RBFOX1: variants seen among roughly 807,000 people sequenced by gnomAD.
RBFOX1 encodes RNA binding fox-1 homolog 1.
In RBFOX1, 8 loss-of-function variants were observed where a neutral mutation model predicts 57.7. That is an observed-to-expected ratio of 0.14 (90% CI 0.08 to 0.25). RBFOX1 has a LOEUF of 0.25. Ranked by LOEUF, RBFOX1 falls within the 10% of genes least tolerant of loss-of-function variation. The pLI, the probability that RBFOX1 is intolerant of heterozygous loss-of-function variation, is 1.00. For synonymous variants in RBFOX1, 326 were observed against 222.4 expected, an observed-to-expected ratio of 1.47 and a Z score of -4.15; for missense variants, 611 against 548.5, an observed-to-expected ratio of 1.11 and a Z score of -1.14.
intron 3 of RBFOX1, among the ~76,000 whole-genome samples, chr16:6,807,209 G>C (rs1479239521): frequency 6.6e-6 from 1 of 151,970 alleles, no homozygotes; most frequent in Non-Finnish European, 1.5e-5. Context: ...GACCAGTTAG[G>C]AGTCTGTTCC....
chr16:7,279,015 C>G (rs1327034471), intron 4 of RBFOX1, among the ~76,000 whole-genome samples: 2 of 150,924 alleles, frequency 1.3e-5, no homozygotes, highest in East Asian at 1.9e-4. Flanking sequence ...ATTTTAAAAT[C>G]TAAAAACTGA....
At chr16:5,910,313 G>A (rs937282354) in intron 4 of RBFOX1, among the ~76,000 whole-genome samples, 29 of 152,060 alleles carry the variant, frequency 1.9e-4, no homozygotes, top group African/African-American at 5.3e-4. Context: ...ACGTTCTCCC[G>A]TTCCCTGCCT....
intron 3 of RBFOX1, among the ~76,000 whole-genome samples, chr16:6,850,377 TTAGG>T (rs1201644805): frequency 6.6e-6 from 1 of 152,098 alleles, no homozygotes; most frequent in Non-Finnish European, 1.5e-5. Flanking sequence ...AGAACCCTAC[TTAGG>T]TAGGTTGGTC....
chr16:5,603,445 T>C (rs935532410), downstream of RBFOX1, among the ~76,000 whole-genome samples: 3 of 152,108 alleles, frequency 2.0e-5, no homozygotes, highest in African/African-American at 7.2e-5. Context: ...CCATGCTGCA[T>C]TGAGCTGAGG....
At chr16:7,173,909 T>C (rs2081187655) in intron 4 of RBFOX1, among the ~76,000 whole-genome samples, 1 of 152,200 alleles carries the variant, frequency 6.6e-6, no homozygotes, top group Non-Finnish European at 1.5e-5. Context: ...CAGTTGAGGA[T>C]GAGACCAAAA....
At chr16:7,449,954 G>T (rs1340193994) in intron 4 of RBFOX1, among the ~76,000 whole-genome samples, 1 of 152,154 alleles carries the variant, frequency 6.6e-6, no homozygotes, top group East Asian at 1.9e-4. Context: ...TCTGACTGCA[G>T]TAGAAGGATG....
intron 3 of RBFOX1, among the ~76,000 whole-genome samples, chr16:6,880,848 A>T (rs1418392202): frequency 6.6e-6 from 1 of 152,256 alleles, no homozygotes; most frequent in Non-Finnish European, 1.5e-5. Context: ...ATTGCTGGAC[A>T]GCAAACTATA....
At chr16:7,689,056 T>C (rs1168209435) in intron 14 of RBFOX1, among the ~76,000 whole-genome samples, 1 of 152,098 alleles carries the variant, frequency 6.6e-6, no homozygotes, top group African/African-American at 2.4e-5. Context: ...AACTTTTCCA[T>C]GCCTCAGTTT....
At chr16:6,902,840 C>G (rs149268183) in intron 3 of RBFOX1, among the ~76,000 whole-genome samples, 174 of 152,290 alleles carry the variant, frequency 1.1e-3, no homozygotes, top group African/African-American at 3.9e-3. Flanking sequence ...TGTTTTCCAT[C>G]TGTTCATTTA....
At chr16:5,936,519 G>A (rs763863227) in intron 4 of RBFOX1, among the ~76,000 whole-genome samples, 1 of 152,184 alleles carries the variant, frequency 6.6e-6, no homozygotes, top group Non-Finnish European at 1.5e-5. Flanking sequence ...GAATGACCAA[G>A]TTCCTCTGCC....
intron 3 of RBFOX1, among the ~76,000 whole-genome samples, chr16:6,803,036 A>G (rs970019301): frequency 2.3e-4 from 35 of 152,140 alleles, no homozygotes; most frequent in Admixed American, 6.5e-5. Context: ...AAAGGGACTT[A>G]CTCATTTCCA....
At chr16:5,828,453 A>T (rs2056150698) in intron 3 of RBFOX1, among the ~76,000 whole-genome samples, 3 of 152,186 alleles carry the variant, frequency 2.0e-5, no homozygotes, top group Admixed American at 1.3e-4. Flanking sequence ...TAATTCCAGC[A>T]CTTTGGGAGG....
intron 4 of RBFOX1, among the ~76,000 whole-genome samples, chr16:7,334,483 C>G (rs1329710186): frequency 6.6e-6 from 1 of 152,090 alleles, no homozygotes. Flanking sequence ...TCTGCCGACC[C>G]ATCTGATAAA....
intron 3 of RBFOX1, among the ~76,000 whole-genome samples, chr16:6,877,439 C>T (rs902697050): frequency 6.6e-6 from 1 of 151,994 alleles, no homozygotes; most frequent in Non-Finnish European, 1.5e-5. Flanking sequence ...ACAAGCAAAA[C>T]CAGAGTAGTG....
chr16:7,424,843 C>T (rs997457218), intron 4 of RBFOX1, among the ~76,000 whole-genome samples: 41 of 152,040 alleles, frequency 2.7e-4, no homozygotes, highest in African/African-American at 9.2e-4. Flanking sequence ...CTGGGTCTCC[C>T]TCTGGAAATA....
chr16:7,523,722 G>A (rs1245816763), intron 5 of RBFOX1, among the ~76,000 whole-genome samples: 1 of 152,080 alleles, frequency 6.6e-6, no homozygotes, highest in Non-Finnish European at 1.5e-5. Context: ...GGTAAGTGCG[G>A]GAATCATAAA....
At chr16:7,268,578 T>C (rs1274597231) in intron 4 of RBFOX1, among the ~76,000 whole-genome samples, 1 of 152,214 alleles carries the variant, frequency 6.6e-6, no homozygotes, top group Non-Finnish European at 1.5e-5. Context: ...AAGAACAGAT[T>C]ATGCGCTGGA....
intron 3 of RBFOX1, among the ~76,000 whole-genome samples, chr16:7,048,569 C>T (rs1354194761): frequency 1.3e-5 from 2 of 152,234 alleles, no homozygotes; most frequent in East Asian, 3.9e-4. Flanking sequence ...CCTTTTGGTT[C>T]TTTATTATCT....
At chr16:6,783,823 C>G (rs887203806) in intron 3 of RBFOX1, among the ~76,000 whole-genome samples, 1 of 152,116 alleles carries the variant, frequency 6.6e-6, no homozygotes, top group Non-Finnish European at 1.5e-5. Context: ...CCTTATAAGA[C>G]AGATCTAGTG....
Sources: allele counts gnomAD v4.1 joint callset (sites outside exome capture counted in the v4.1 genomes callset), GRCh38; gene constraint gnomAD v4.1.1; transcripts MANE v1.5; gene names NCBI Gene and HGNC (gene_info 2026-07-23, HGNC 2026-07-21).